Variants in B3GALT1 observed in about 807,000 individuals in gnomAD.
B3GALT1 encodes the protein UDP-Gal:betaGlcNAc beta 1,3-galactosyltransferase, polypeptide 1.
Under a neutral mutation model 23.2 loss-of-function variants are expected in B3GALT1, and 10 were observed. The ratio of observed to expected loss-of-function variants is 0.43; its 90% CI spans 0.27 to 0.73. B3GALT1 has a LOEUF of 0.73. Ranked by LOEUF, B3GALT1 falls within the 30% of genes least tolerant of loss-of-function variation. The probability of loss-of-function intolerance (pLI) is 0.21; values close to 1 mark genes in which losing one functional copy is unlikely to be tolerated. For synonymous variants in B3GALT1, 156 were observed against 141.5 expected (o/e 1.10, Z -0.73); for missense variants, 299 against 405.4 (o/e 0.74, Z 2.25).
At chr2:167,404,209 G>T (rs1352431646) in intron 1 of B3GALT1, among the ~76,000 whole-genome samples, 1 of 152,052 alleles carries the variant, frequency 6.6e-6, no homozygotes, top group African/African-American at 2.4e-5. Flanking sequence ...CTTTCAACAG[G>T]TTCCATGGGA....
intron 4 of B3GALT1, among the ~76,000 whole-genome samples, chr2:167,847,175 A>G (rs780278522): frequency 3.9e-5 from 6 of 152,232 alleles, no homozygotes; most frequent in Non-Finnish European, 8.8e-5. Flanking sequence ...TCAATACTCC[A>G]CTGACAGCAC....
At chr2:167,556,513 C>G (rs556881902) in intron 2 of B3GALT1, among the ~76,000 whole-genome samples, 17 of 152,094 alleles carry the variant, frequency 1.1e-4, no homozygotes, top group Non-Finnish European at 1.6e-4. Flanking sequence ...AAGCCTTTCT[C>G]ATGTTAAAAA....
chr2:167,809,773 C>T (rs1688839283), intron 3 of B3GALT1, among the ~76,000 whole-genome samples: 1 of 152,200 alleles, frequency 6.6e-6, no homozygotes, highest in Non-Finnish European at 1.5e-5. Flanking sequence ...CTCAGATGTC[C>T]AGCTGCCTGC....
intron 1 of B3GALT1, among the ~76,000 whole-genome samples, chr2:167,465,149 TA>T (rs1452154329): frequency 1.3e-5 from 2 of 152,230 alleles, no homozygotes; most frequent in Admixed American, 6.5e-5. Context: ...GGAAAATAGT[TA>T]ATAAAGTAAG....
chr2:167,535,352 T>C (rs1046856733), intron 2 of B3GALT1, among the ~76,000 whole-genome samples: 1 of 152,244 alleles, frequency 6.6e-6, no homozygotes, highest in East Asian at 1.9e-4. Flanking sequence ...CTATACTGTG[T>C]ACCAGCCCAT....
At chr2:167,608,948 C>T (rs954774518) in intron 2 of B3GALT1, among the ~76,000 whole-genome samples, 3 of 152,034 alleles carry the variant, frequency 2.0e-5, no homozygotes, top group Non-Finnish European at 4.4e-5. Flanking sequence ...TTGTAAAAGT[C>T]TCTCATTGAC....
chr2:167,583,639 G>A (rs766301531), intron 2 of B3GALT1, among the ~76,000 whole-genome samples: 13 of 152,060 alleles, frequency 8.5e-5, no homozygotes, highest in African/African-American at 3.1e-4. Flanking sequence ...CTTAAAACTT[G>A]ATGTCAGCAT....
At chr2:167,444,331 T>G (rs1235009321) in intron 1 of B3GALT1, among the ~76,000 whole-genome samples, 14 of 152,150 alleles carry the variant, frequency 9.2e-5, no homozygotes, top group Admixed American at 9.2e-4. Flanking sequence ...AAATTCTCTT[T>G]TTTTGTTTTG....
At chr2:167,836,362 G>A (rs562190692) in intron 4 of B3GALT1, among the ~76,000 whole-genome samples, 26 of 152,262 alleles carry the variant, frequency 1.7e-4, no homozygotes, top group African/African-American at 4.6e-4. Flanking sequence ...GCCAAGGCTC[G>A]AGAACTATGT....
intron 2 of B3GALT1, among the ~76,000 whole-genome samples, chr2:167,602,819 A>G (rs529426562): frequency 2.0e-5 from 3 of 152,296 alleles, no homozygotes; most frequent in South Asian, 2.1e-4. Flanking sequence ...GTTTAAAAAA[A>G]AAATCAATCT....
At chr2:167,303,911 C>T (rs1448200915) in intron 1 of B3GALT1, among the ~76,000 whole-genome samples, 2 of 151,994 alleles carry the variant, frequency 1.3e-5, no homozygotes, top group African/African-American at 4.8e-5. Context: ...TGAGAGGCTG[C>T]TTCTACTGGA....
intron 2 of B3GALT1, among the ~76,000 whole-genome samples, chr2:167,520,505 C>T (rs530436309): frequency 6.6e-6 from 1 of 152,234 alleles, no homozygotes; most frequent in African/African-American, 2.4e-5. Flanking sequence ...AAATCTTTGG[C>T]TCTTTTTCTC....
chr2:167,552,320 G>A (rs1277736909), intron 2 of B3GALT1, among the ~76,000 whole-genome samples: 1 of 152,140 alleles, frequency 6.6e-6, no homozygotes, highest in Non-Finnish European at 1.5e-5. Flanking sequence ...AAGCACAGCA[G>A]TTTAGGCAAA....
At chr2:167,674,781 T>A (rs1418900118) in intron 3 of B3GALT1, among the ~76,000 whole-genome samples, 2 of 152,196 alleles carry the variant, frequency 1.3e-5, no homozygotes, top group African/African-American at 4.8e-5. Context: ...TTTTAAGAAT[T>A]TGGATTCTGA....
At chr2:167,846,933 C>T (rs1389875594) in intron 4 of B3GALT1, among the ~76,000 whole-genome samples, 1 of 152,042 alleles carries the variant, frequency 6.6e-6, no homozygotes, top group African/African-American at 2.4e-5. Context: ...CAAATGGACA[C>T]CAAAAATGAG....
At chr2:167,769,166 A>T (rs1158067965) in intron 3 of B3GALT1, among the ~76,000 whole-genome samples, 2 of 152,130 alleles carry the variant, frequency 1.3e-5, no homozygotes, top group African/African-American at 4.8e-5. Context: ...TCTCTGGGGT[A>T]CTGGGCCAGC....
In B3GALT1 at chr2:167,348,925, G is replaced by A. The variant is rs192308724; in HGVS notation, c.-511+55591G>A. Among the ~76,000 whole-genome samples the A allele has an allele frequency of 3.7e-3, 557 of 152,094 alleles. 1 individual carries two copies. Among genetic ancestry groups the A allele is most frequent in the Non-Finnish European group, 6.3e-3 (428 of 68,000 alleles). ...AAAAGTTCCTTGGAAATGGGATCTG[G>A]GCTTGATTAATCTTTTGTGTAATTG... On this transcript the variant is annotated intron_variant, in intron 1 of 4. Transcript: ENST00000392690.
intron 2 of B3GALT1, among the ~76,000 whole-genome samples, chr2:167,548,580 A>G (rs1558900754): frequency 6.6e-6 from 1 of 152,080 alleles, no homozygotes; most frequent in African/African-American, 2.4e-5. Context: ...ATCGTGGACA[A>G]TGAGGCAACA....
At chr2:167,748,145 A>C (rs1448859929) in intron 3 of B3GALT1, among the ~76,000 whole-genome samples, 4 of 152,302 alleles carry the variant, frequency 2.6e-5, no homozygotes, top group African/African-American at 9.6e-5. Flanking sequence ...TTAGACTATG[A>C]TACGAGCTCT....
Sources: allele counts gnomAD v4.1 joint callset (sites outside exome capture counted in the v4.1 genomes callset), GRCh38; gene constraint gnomAD v4.1.1; transcripts MANE v1.5; gene names NCBI Gene and HGNC (gene_info 2026-07-23, HGNC 2026-07-21).